The following RNF121 variants were observed in gnomAD, a reference collection of about 807,000 sequenced individuals.
The protein encoded by RNF121 is ring finger protein 121, also known as E3 ubiquitin ligase RNF121.
RNF121 carries 21 observed loss-of-function variants against 46.5 expected under a neutral mutation model. The observed-to-expected ratio is 0.45, with a 90% confidence interval of 0.32 to 0.65. The LOEUF is 0.65. Ranked by LOEUF, RNF121 falls within the 30% of genes least tolerant of loss-of-function variation. The pLI is 0.04. For synonymous variants in RNF121, 139 were observed against 144.7 expected, an observed-to-expected ratio of 0.96 and a Z score of 0.28; for missense variants, 346 against 416.0, an observed-to-expected ratio of 0.83 and a Z score of 1.46.
chr11:71,991,236 TA>T (rs5792566), intron 6 of RNF121, among the ~76,000 whole-genome samples: 347 of 150,472 alleles, frequency 2.3e-3, no homozygotes, highest in Middle Eastern at 6.9e-3. Context: ...TTGAAATTAT[TA>T]AAAAAAAAAT....
chr11:71,986,479 A>G (rs1163122428), intron 4 of RNF121, among the ~76,000 whole-genome samples: 1 of 152,210 alleles, frequency 6.6e-6, no homozygotes, highest in Non-Finnish European at 1.5e-5. Flanking sequence ...ATGAAAATAC[A>G]AAGCATAGCT....
At chr11:71,966,052 T>C (rs1378909989) in intron 3 of RNF121, among the ~76,000 whole-genome samples, 1 of 152,210 alleles carries the variant, frequency 6.6e-6, no homozygotes, top group Non-Finnish European at 1.5e-5. Context: ...AGAGTTTCCC[T>C]CTTGTTGCCC....
intron 1 of RNF121, among the ~76,000 whole-genome samples, chr11:71,941,565 G>A (rs2037388625): frequency 6.6e-6 from 1 of 152,162 alleles, no homozygotes; most frequent in African/African-American, 2.4e-5. Flanking sequence ...ACTCCAGATG[G>A]TGACAAATGC....
At chr11:71,974,691 C>T (rs1051727148) in intron 3 of RNF121, among the ~76,000 whole-genome samples, 1 of 152,170 alleles carries the variant, frequency 6.6e-6, no homozygotes, top group Admixed American at 6.5e-5. Flanking sequence ...TTTTAATCCT[C>T]TTGAGTTTCC....
chr11:71,976,245 T>C (rs1954523378), intron 3 of RNF121, among the ~76,000 whole-genome samples: 1 of 152,106 alleles, frequency 6.6e-6, no homozygotes, highest in Non-Finnish European at 1.5e-5. Flanking sequence ...GTTAGTGTTC[T>C]TTGTATAGTG....
chr11:71,974,468 C>T (rs879375638), intron 3 of RNF121, among the ~76,000 whole-genome samples: 1 of 152,184 alleles, frequency 6.6e-6, no homozygotes, highest in Non-Finnish European at 1.5e-5. Context: ...CTCCTAACAG[C>T]TCTGTAAGGT....
intron 1 of RNF121, among the ~76,000 whole-genome samples, chr11:71,953,411 A>G (rs1237532015): frequency 6.6e-6 from 1 of 152,230 alleles, no homozygotes; most frequent in Non-Finnish European, 1.5e-5. Context: ...TAAAGAGTCA[A>G]GTGTACAGAT....
At chr11:71,955,814 G>A (rs1218648195) in intron 1 of RNF121, among the ~76,000 whole-genome samples, 1 of 152,178 alleles carries the variant, frequency 6.6e-6, no homozygotes, top group African/African-American at 2.4e-5. Context: ...CCTCCCATGT[G>A]TCCCCTCAGA....
chr11:71,936,240 CAA>C (rs1953407066), intron 1 of RNF121, among the ~76,000 whole-genome samples: 1 of 152,048 alleles, frequency 6.6e-6, no homozygotes, highest in Admixed American at 6.6e-5. Context: ...AAGGAAAAGA[CAA>C]AAAGGCTTAC....
intron 6 of RNF121, 133 bp from the exon 7 acceptor site, chr11:71,994,586 G>T: frequency 1.1e-6 from 1 of 932,226 alleles, no homozygotes; most frequent in South Asian, 1.6e-5. Context: ...AAAAAAAAAA[G>T]ATGTCCTCTA....
chr11:71,950,533 G>A (rs990269099), intron 1 of RNF121, among the ~76,000 whole-genome samples: 4 of 150,926 alleles, frequency 2.7e-5, no homozygotes, highest in Non-Finnish European at 5.9e-5. Context: ...GCAGTGAACC[G>A]AGATCATGCC....
chr11:71,975,982 C>T (rs1200480132), intron 3 of RNF121, among the ~76,000 whole-genome samples: 2 of 152,146 alleles, frequency 1.3e-5, no homozygotes, highest in Non-Finnish European at 2.9e-5. Flanking sequence ...CAACTCCAAC[C>T]GTGTTTCTGC....
chr11:71,985,841 C>T (rs895962089), intron 4 of RNF121, among the ~76,000 whole-genome samples: 2 of 152,020 alleles, frequency 1.3e-5, no homozygotes, highest in Non-Finnish European at 1.5e-5. Flanking sequence ...GCCTGTAATC[C>T]CAGCACTTTG....
chr11:71,946,016 T>C (rs1036536474), intron 1 of RNF121, among the ~76,000 whole-genome samples: 3 of 151,544 alleles, frequency 2.0e-5, no homozygotes, highest in African/African-American at 7.3e-5. Context: ...GAGGCTGAGG[T>C]GGGAGTATCA....
intron 4 of RNF121, among the ~76,000 whole-genome samples, chr11:71,984,218 A>G (rs934905741): frequency 1.3e-5 from 2 of 152,272 alleles, no homozygotes; most frequent in African/African-American, 4.8e-5. Flanking sequence ...AAACAGTGCC[A>G]ACTTCTGGCT....
At chr11:71,948,113 AGGG>A (rs1001198700) in intron 1 of RNF121, among the ~76,000 whole-genome samples, 15 of 152,066 alleles carry the variant, frequency 9.9e-5, no homozygotes, top group African/African-American at 3.6e-4. Context: ...GTGAGAGAGG[AGGG>A]CCAGAGAGGG....
At chr11:71,987,282 C>G (rs138053782) in intron 5 of RNF121, among the ~76,000 whole-genome samples, 171 bp downstream of exon 5, 1 of 152,204 alleles carries the variant, frequency 6.6e-6, no homozygotes, top group East Asian at 1.9e-4. Flanking sequence ...TTTGTTCTGG[C>G]AGAAAGCAAG....
At chr11:71,972,075 G>A (rs2134191326) in intron 3 of RNF121, among the ~76,000 whole-genome samples, 1 of 152,268 alleles carries the variant, frequency 6.6e-6, no homozygotes, top group African/African-American at 2.4e-5. Context: ...GTACCTGTAG[G>A]AACTTGGGAG....
At position 71,987,016 on chromosome 11, in the gene RNF121, G is replaced by A; in HGVS notation, c.411G>A (p.Lys137=). The part of the protein sequence containing the change: ...LVQTTPRLVY[K]WFLLIYKISY... ...CTCCTTTCCCCAGGTTGGTTTATAA[G>A]TGGTTCCTGCTAATCTATAAAATCA... Residue 137 remains lysine (K), a synonymous_variant, in exon 5 of 9, where the codon AAG becomes AAA. Transcript: ENST00000361756. 3 of 1,612,192 alleles carry A rather than the reference G, an allele frequency of 1.9e-6. No individual in the cohort carries two copies. Among genetic ancestry groups the A allele is most frequent in the Non-Finnish European group, 2.5e-6 (3 of 1,178,356 alleles).
Sources: allele counts gnomAD v4.1 joint callset (sites outside exome capture counted in the v4.1 genomes callset), GRCh38; gene constraint gnomAD v4.1.1; transcripts MANE v1.5; gene names NCBI Gene and HGNC (gene_info 2026-07-23, HGNC 2026-07-21).